The following ZFYVE9 variants were observed in gnomAD, a reference collection of about 807,000 sequenced individuals.
ZFYVE9 encodes zinc finger FYVE-type containing 9, also known as zinc finger FYVE domain-containing protein 9.
ZFYVE9 carries 43 observed loss-of-function variants against 126.7 expected under a neutral mutation model. The ratio of observed to expected loss-of-function variants is 0.34; its 90% CI spans 0.27 to 0.44. The LOEUF (loss-of-function observed/expected upper bound fraction) is 0.44. Ranked by LOEUF, ZFYVE9 falls within the 20% of genes least tolerant of loss-of-function variation. ZFYVE9 has a pLI of 1.00. For missense variants in ZFYVE9, 1,476 were observed against 1,697.0 expected (o/e 0.87, Z 2.29); for synonymous variants, 521 against 597.4 (o/e 0.87, Z 1.87).
chr1:52,162,908 G>A (rs1644476263), intron 1 of ZFYVE9: 1 of 508,042 alleles, frequency 2.0e-6, no homozygotes, highest in South Asian at 2.2e-5. Flanking sequence ...ACCCTTGAAG[G>A]ACTACGAGAT....
chr1:52,320,917 G>A (rs1569751488), intron 13 of ZFYVE9, among the ~76,000 whole-genome samples: 2 of 151,818 alleles, frequency 1.3e-5, no homozygotes, highest in African/African-American at 2.4e-5. Context: ...TGTAATAGAC[G>A]TTCAAACTTT....
At chr1:52,218,650 G>A (rs1357044910) in intron 2 of ZFYVE9, among the ~76,000 whole-genome samples, 1 of 152,126 alleles carries the variant, frequency 6.6e-6, no homozygotes, top group East Asian at 1.9e-4. Context: ...GGGTGCGAAT[G>A]GAATATTTAA....
intron 1 of ZFYVE9, among the ~76,000 whole-genome samples, chr1:52,210,766 T>A (rs996948375): frequency 1.3e-5 from 2 of 152,164 alleles, no homozygotes; most frequent in African/African-American, 2.4e-5. Context: ...GAGATTCTCA[T>A]GCCTCAGCCT....
chr1:52,284,106 A>G (rs529854539), intron 10 of ZFYVE9, among the ~76,000 whole-genome samples: 5 of 152,224 alleles, frequency 3.3e-5, no homozygotes, highest in Non-Finnish European at 5.9e-5. Flanking sequence ...GTCTTCTTCT[A>G]TTCACCATCT....
At chr1:52,241,418 A>G (rs759489018) in intron 4 of ZFYVE9, among the ~76,000 whole-genome samples, 1 of 152,230 alleles carries the variant, frequency 6.6e-6, no homozygotes, top group South Asian at 2.1e-4. Flanking sequence ...TACTATTTGT[A>G]GATTAGGTTC....
chr1:52,215,348 A>C (rs985780539), intron 1 of ZFYVE9, among the ~76,000 whole-genome samples: 1 of 152,158 alleles, frequency 6.6e-6, no homozygotes, highest in African/African-American at 2.4e-5. Flanking sequence ...TCTAGTTCTC[A>C]AGACAGGGAA....
At chr1:52,255,368 G>C (rs1569596014) in intron 4 of ZFYVE9, among the ~76,000 whole-genome samples, 1 of 152,138 alleles carries the variant, frequency 6.6e-6, no homozygotes, top group Non-Finnish European at 1.5e-5. Context: ...CGGATCACCA[G>C]AGGTCGGGAG....
At chr1:52,148,842 A>G (rs972285184) in intron 1 of ZFYVE9, among the ~76,000 whole-genome samples, 1 of 147,072 alleles carries the variant, frequency 6.8e-6, no homozygotes, top group African/African-American at 2.5e-5. Context: ...GGATTTCACC[A>G]TGTTGGCCAG....
At chr1:52,177,712 A>C (rs1367230045) in intron 1 of ZFYVE9, among the ~76,000 whole-genome samples, 1 of 152,198 alleles carries the variant, frequency 6.6e-6, no homozygotes, top group Non-Finnish European at 1.5e-5. Context: ...TGAAAAATTA[A>C]CAGGAGTTCT....
intron 4 of ZFYVE9, among the ~76,000 whole-genome samples, chr1:52,255,947 T>TCTTTTCTTTTCTTTTC (rs1557484098): frequency 1.2e-4 from 14 of 121,326 alleles, no homozygotes; most frequent in Non-Finnish European, 2.2e-4. Context: ...TCTTTTCTTT[T>TCTTTTCTTTTCTTTTC]CTTTTCTTTT....
intron 13 of ZFYVE9, among the ~76,000 whole-genome samples, chr1:52,331,869 C>G (rs947403894): frequency 2.0e-5 from 3 of 150,968 alleles, no homozygotes; most frequent in Middle Eastern, 3.5e-3. Context: ...AGCTCCGCCT[C>G]CCGGGTTCAT....
chr1:52,218,260 TC>T (rs1272105659), intron 2 of ZFYVE9, among the ~76,000 whole-genome samples: 1 of 152,000 alleles, frequency 6.6e-6, no homozygotes, highest in Non-Finnish European at 1.5e-5. Flanking sequence ...CAAATATTGG[TC>T]CCCCACAATA....
rs1321211141 is a variant in ZFYVE9 at position 52,205,564 on chromosome 1, G to T, written c.-142-10805G>T. 2.0e-5 allele frequency among the ~76,000 whole-genome samples: 3 copies of T among 151,142 alleles called. No individual in the cohort carries two copies. In the East Asian group the frequency reaches 5.8e-4, roughly 29 times the overall value. ...TTTTTTTTTTTTTAAATAGAGACTG[G>T]GTCTCGCTATGTTGCCCAGACTAGC... On this transcript the variant is annotated intron_variant, in intron 1 of 18. Coordinates refer to ENST00000287727, the MANE Select transcript of ZFYVE9 (RefSeq NM_004799.4).
At chr1:52,176,850 GC>G (rs1557439156) in intron 1 of ZFYVE9, among the ~76,000 whole-genome samples, 2 of 152,130 alleles carry the variant, frequency 1.3e-5, no homozygotes. Context: ...TCAGAAAAGC[GC>G]AGTATTGGGG....
intron 13 of ZFYVE9, among the ~76,000 whole-genome samples, chr1:52,322,275 A>G (rs1255591802): frequency 6.6e-6 from 1 of 151,956 alleles, no homozygotes; most frequent in Non-Finnish European, 1.5e-5. Flanking sequence ...TCCTGGGACC[A>G]GTCTGGTCTC....
intron 18 of ZFYVE9, among the ~76,000 whole-genome samples, chr1:52,345,538 A>G (rs1348472606): frequency 6.6e-6 from 1 of 152,234 alleles, no homozygotes; most frequent in Non-Finnish European, 1.5e-5. Flanking sequence ...CTAATGAAGT[A>G]TTCTGGTCCT....
At chr1:52,180,100 A>C in intron 1 of ZFYVE9, 1 of 928,760 alleles carries the variant, frequency 1.1e-6, no homozygotes, top group Admixed American at 1.7e-5. Flanking sequence ...AAATTGAAGA[A>C]TAAATTTGAA....
chr1:52,339,850 A>G (rs1195836364), intron 16 of ZFYVE9, among the ~76,000 whole-genome samples: 2 of 152,314 alleles, frequency 1.3e-5, no homozygotes, highest in African/African-American at 4.8e-5. Context: ...TGATTAATCA[A>G]TTTCTTTACG....
At position 52,177,650 on chromosome 1, in the gene ZFYVE9, C is replaced by T. The variant is rs527436452; in HGVS notation, c.-143+35247C>T. 2.0e-5 allele frequency among the ~76,000 whole-genome samples: 3 copies of T among 152,340 alleles called. No homozygotes were observed. The East Asian group carries it at 5.8e-4, about 29-fold the overall frequency. ...ATTGTGTGAAGATGATCAGTTCCAT[C>T]TGGAGAGATCGAGGAAAGCTTGACT... On this transcript the variant is annotated intron_variant, in intron 1 of 18. Coordinates refer to ENST00000287727, the MANE Select transcript of ZFYVE9 (RefSeq NM_004799.4).
Sources: gnomAD v4.1 joint callset for allele counts (sites outside exome capture counted in the v4.1 genomes callset) on GRCh38, gnomAD v4.1.1 for gene constraint, MANE v1.5 for transcripts, NCBI Gene and HGNC (gene_info 2026-07-23, HGNC 2026-07-21) for gene names.